The following ROBO1 variants were observed in gnomAD, a reference collection of about 807,000 sequenced individuals.
The protein encoded by ROBO1 is roundabout guidance receptor 1, also known as roundabout homolog 1.
ROBO1 carries 149 observed loss-of-function variants against 195.9 expected under a neutral mutation model. That is an observed-to-expected ratio of 0.76 (90% CI 0.67 to 0.87). The LOEUF is 0.87. Among genes scored for constraint, ROBO1 ranks in the 40% least tolerant of loss-of-function variants. ROBO1 has a pLI of 0.00. For synonymous variants in ROBO1, 816 were observed against 733.2 expected (o/e 1.11, Z -1.82); for missense variants, 1,933 against 2,068.3 (o/e 0.93, Z 1.27).
intron 1 of ROBO1, among the ~76,000 whole-genome samples, chr3:79,750,318 T>C (rs539264390): frequency 6.6e-6 from 1 of 152,356 alleles, no homozygotes; most frequent in East Asian, 1.9e-4. Flanking sequence ...TACAGGCTCA[T>C]AGGCAAAAGG....
At chr3:78,621,676 A>T (rs945212316) in intron 26 of ROBO1, among the ~76,000 whole-genome samples, 1 of 152,334 alleles carries the variant, frequency 6.6e-6, no homozygotes, top group East Asian at 1.9e-4. Flanking sequence ...TCGCAAATGA[A>T]CCTCAACCCT....
intron 1 of ROBO1, among the ~76,000 whole-genome samples, chr3:79,763,848 A>G (rs12489005): frequency 1.6e-4 from 24 of 152,228 alleles, no homozygotes; most frequent in Admixed American, 1.6e-3. Context: ...GATATCAAGG[A>G]GATTAAAAAA....
chr3:78,609,575 T>A (rs977872881), intron 28 of ROBO1, among the ~76,000 whole-genome samples: 1 of 152,204 alleles, frequency 6.6e-6, no homozygotes, highest in South Asian at 2.1e-4. Flanking sequence ...GATTTCCATA[T>A]GTGTACATAG....
In ROBO1 at chr3:79,336,599, G is replaced by C. The variant is rs545449957; in HGVS notation, c.89-211060C>G. Among the ~76,000 whole-genome samples the C allele has an allele frequency of 2.0e-5, 3 of 152,314 alleles. 1 individual carries two copies. The South Asian group carries it at 6.2e-4, about 32-fold the overall frequency. On this transcript the variant is annotated intron_variant, in intron 2 of 30. Coordinates refer to ENST00000464233, the MANE Select transcript of ROBO1 (RefSeq NM_002941.4). Reference sequence around the variant, plus strand: ...GGCAGAGGTGTGCTGCATGGACAGAGCCCTCATGGTGAACCTCTGCTAGGG... The same window carrying C: ...GGCAGAGGTGTGCTGCATGGACAGACCCCTCATGGTGAACCTCTGCTAGGG...
At chr3:78,709,934 A>G (rs2081642052) in intron 8 of ROBO1, among the ~76,000 whole-genome samples, 1 of 152,144 alleles carries the variant, frequency 6.6e-6, no homozygotes, top group Admixed American at 6.5e-5. Flanking sequence ...TTTTTGATTC[A>G]TTTTTCTTCC....
chr3:79,026,646 T>C (rs2078208381), intron 3 of ROBO1, among the ~76,000 whole-genome samples: 1 of 152,062 alleles, frequency 6.6e-6, no homozygotes, highest in East Asian at 1.9e-4. Flanking sequence ...AAGATATATA[T>C]GTATAAATCT....
chr3:79,327,392 A>G (rs1037350706), intron 2 of ROBO1, among the ~76,000 whole-genome samples: 1 of 152,146 alleles, frequency 6.6e-6, no homozygotes, highest in African/African-American at 2.4e-5. Flanking sequence ...AAGACTTTAG[A>G]GAATACATGT....
chr3:79,538,403 G>A (rs1941951721), intron 2 of ROBO1, among the ~76,000 whole-genome samples: 1 of 150,056 alleles, frequency 6.7e-6, no homozygotes, highest in Admixed American at 6.6e-5. Flanking sequence ...ATCTTATTTG[G>A]TAGTGCTAAT....
chr3:79,081,661 T>G (rs1295525799), intron 3 of ROBO1, among the ~76,000 whole-genome samples: 1 of 152,162 alleles, frequency 6.6e-6, no homozygotes, highest in South Asian at 2.1e-4. Context: ...AAAGCTGACA[T>G]AGTGGTGCTA....
At chr3:79,309,804 C>T (rs2033398411) in intron 2 of ROBO1, among the ~76,000 whole-genome samples, 1 of 151,974 alleles carries the variant, frequency 6.6e-6, no homozygotes. Context: ...ATAGCAGAAG[C>T]ATTTAAAGAA....
At chr3:79,729,120 T>C (rs1390991655) in intron 1 of ROBO1, among the ~76,000 whole-genome samples, 1 of 152,232 alleles carries the variant, frequency 6.6e-6, no homozygotes, top group Non-Finnish European at 1.5e-5. Context: ...GTAATGTTCC[T>C]TGGTTTGAAT....
intron 2 of ROBO1, among the ~76,000 whole-genome samples, chr3:79,415,563 G>C (rs1049318326): frequency 6.6e-6 from 1 of 152,118 alleles, no homozygotes; most frequent in Non-Finnish European, 1.5e-5. Context: ...AGAATAGCGA[G>C]AAATATGGGT....
chr3:79,696,211 T>C (rs1402308146), intron 1 of ROBO1, among the ~76,000 whole-genome samples: 2 of 151,410 alleles, frequency 1.3e-5, no homozygotes, highest in Admixed American at 6.6e-5. Flanking sequence ...CTGGAGGAAA[T>C]CCCTTCAGCT....
intron 4 of ROBO1, among the ~76,000 whole-genome samples, chr3:78,820,886 A>C (rs550010512): frequency 2.6e-5 from 4 of 152,208 alleles, no homozygotes; most frequent in Admixed American, 6.5e-5. Flanking sequence ...ATGTTAAAAA[A>C]AAAAATTCCC....
At chr3:79,054,669 G>A (rs936236826) in intron 3 of ROBO1, among the ~76,000 whole-genome samples, 19 of 151,994 alleles carry the variant, frequency 1.3e-4, no homozygotes, top group Admixed American at 2.6e-4. Flanking sequence ...ACTTAAAAGC[G>A]GCCAAGCTGG....
chr3:79,765,976 T>C (rs1704962955), intron 1 of ROBO1, among the ~76,000 whole-genome samples: 1 of 152,108 alleles, frequency 6.6e-6, no homozygotes. Context: ...ACAGGGCAGA[T>C]GACACAGAGG....
chr3:79,347,566 G>A (rs559534100), intron 2 of ROBO1, among the ~76,000 whole-genome samples: 25 of 152,138 alleles, frequency 1.6e-4, no homozygotes, highest in Non-Finnish European at 3.2e-4. Flanking sequence ...TCAGGATTGC[G>A]ATAAAGTGTG....
intron 21 of ROBO1, among the ~76,000 whole-genome samples, chr3:78,641,383 CT>C (rs1486222950): frequency 6.6e-6 from 1 of 152,132 alleles, no homozygotes; most frequent in African/African-American, 2.4e-5. Flanking sequence ...CTGGAATATT[CT>C]TAATGAAAGG....
intron 2 of ROBO1, among the ~76,000 whole-genome samples, chr3:79,332,995 A>G (rs2034509556): frequency 6.6e-6 from 1 of 152,108 alleles, no homozygotes; most frequent in Non-Finnish European, 1.5e-5. Context: ...TGATGTCAGG[A>G]GTTCGAGACC....
Sources: allele counts gnomAD v4.1 joint callset (sites outside exome capture counted in the v4.1 genomes callset), GRCh38; gene constraint gnomAD v4.1.1; transcripts MANE v1.5; gene names NCBI Gene and HGNC (gene_info 2026-07-23, HGNC 2026-07-21).